The following GALNT11 variants were observed in gnomAD, a reference collection of about 807,000 sequenced individuals.
GALNT11 encodes UDP-GalNAc:polypeptide N-acetylgalactosaminyltransferase 11.
GALNT11 carries 47 observed loss-of-function variants against 72.7 expected under a neutral mutation model. That is an observed-to-expected ratio of 0.65 (90% CI 0.51 to 0.82). GALNT11 has a LOEUF of 0.82. Among genes scored for constraint, GALNT11 ranks in the 40% least tolerant of loss-of-function variants. The probability of loss-of-function intolerance (pLI) is 0.00; values close to 1 mark genes in which losing one functional copy is unlikely to be tolerated. For synonymous variants in GALNT11, 270 were observed against 286.6 expected, an observed-to-expected ratio of 0.94 and a Z score of 0.58; for missense variants, 677 against 778.4, an observed-to-expected ratio of 0.87 and a Z score of 1.55.
At chr7:152,044,374 C>T (rs959723697) in intron 1 of GALNT11, among the ~76,000 whole-genome samples, 2 of 152,122 alleles carry the variant, frequency 1.3e-5, no homozygotes, top group African/African-American at 4.8e-5. Flanking sequence ...GGTTTTCCAC[C>T]CTGGGTGGGC....
intron 1 of GALNT11, among the ~76,000 whole-genome samples, chr7:152,051,452 T>A (rs1187676757): frequency 6.6e-6 from 1 of 152,160 alleles, no homozygotes; most frequent in East Asian, 1.9e-4. Flanking sequence ...GGGATATTAA[T>A]ATGCTCGTGA....
At chr7:152,059,145 G>T (rs1330900694) in intron 1 of GALNT11, among the ~76,000 whole-genome samples, 1 of 152,204 alleles carries the variant, frequency 6.6e-6, no homozygotes, top group Non-Finnish European at 1.5e-5. Context: ...ACCCAGGCTG[G>T]AGTGCAGTGC....
At chr7:152,054,420 GCA>G (rs1255213843) in intron 1 of GALNT11, among the ~76,000 whole-genome samples, 1 of 142,014 alleles carries the variant, frequency 7.0e-6, no homozygotes, top group Admixed American at 7.1e-5. Flanking sequence ...ACACCTTCCT[GCA>G]CAGTGATCTT....
chr7:152,030,902 G>A (rs370565628), intron 1 of GALNT11, among the ~76,000 whole-genome samples: 11 of 151,834 alleles, frequency 7.2e-5, no homozygotes, highest in Non-Finnish European at 1.5e-4. Context: ...TCTCCTTCCC[G>A]TTTTGATGGC....
intron 1 of GALNT11, among the ~76,000 whole-genome samples, chr7:152,071,871 A>G (rs868625651): frequency 6.6e-6 from 1 of 152,110 alleles, no homozygotes; most frequent in African/African-American, 2.4e-5. Context: ...ACGATGTAGC[A>G]TGTCAATTAT....
chr7:152,057,887 C>T (rs1314847615), intron 1 of GALNT11, among the ~76,000 whole-genome samples: 1 of 152,136 alleles, frequency 6.6e-6, no homozygotes, highest in Non-Finnish European at 1.5e-5. Context: ...AAAGCTAAGG[C>T]TCTCATGCAG....
chr7:152,060,694 A>C (rs571562714), intron 1 of GALNT11, among the ~76,000 whole-genome samples: 3 of 151,034 alleles, frequency 2.0e-5, no homozygotes, highest in African/African-American at 7.3e-5. Flanking sequence ...TCATTGTTCA[A>C]TTCCCACCTA....
chr7:152,112,394 A>T (rs1212573081), intron 7 of GALNT11, among the ~76,000 whole-genome samples: 1 of 152,108 alleles, frequency 6.6e-6, no homozygotes, highest in Non-Finnish European at 1.5e-5. Context: ...CAAAAAAATT[A>T]GCTGGGCGTG....
At chr7:152,027,017 A>C (rs1371217091) in intron 1 of GALNT11, among the ~76,000 whole-genome samples, 1 of 152,232 alleles carries the variant, frequency 6.6e-6, no homozygotes, top group Non-Finnish European at 1.5e-5. Flanking sequence ...TGGAAGGCCA[A>C]GGCGAGCGGA....
In GALNT11 at chr7:152,120,954, C is replaced by G. The variant is rs1261282894; in HGVS notation, c.1681C>G (p.Gln561Glu). The G allele has an allele frequency of 6.2e-7, 1 of 1,613,906 alleles. No individual in the cohort carries two copies. The highest frequency in any genetic ancestry group is 1.1e-5 in the South Asian group (1 of 91,056). Reference protein sequence around the residue: ...MKCHGSGGSQQWTFGKNNRLY... With the variant: ...MKCHGSGGSQEWTFGKNNRLY... ...ATGCCACGGGTCAGGAGGATCCCAG[C>G]AGTGGACCTTTGGGGTGAGGAGTGC... The change falls in exon 11 of 12, where the codon CAG becomes GAG. Residue 561 changes from glutamine to glutamate, a missense_variant. By Grantham distance (29) the Gln-to-Glu change is conservative (BLOSUM62 2). Coordinates refer to ENST00000430044, the MANE Select transcript of GALNT11 (RefSeq NM_022087.4).
intron 1 of GALNT11, among the ~76,000 whole-genome samples, chr7:152,089,598 A>T (rs1487383622): frequency 6.6e-6 from 1 of 152,230 alleles, no homozygotes; most frequent in Non-Finnish European, 1.5e-5. Context: ...GGAAAGACAA[A>T]GGAAAAGAGG....
intron 3 of GALNT11, 114 bp downstream of exon 3, chr7:152,101,035 C>A: frequency 7.3e-7 from 1 of 1,369,910 alleles, no homozygotes; most frequent in Non-Finnish European, 9.9e-7. Context: ...CTTTATTCAG[C>A]ATACTAGGAA....
At chr7:152,104,021 C>T (rs566420876) in intron 4 of GALNT11, 1 of 152,376 alleles carries the variant, frequency 6.6e-6, no homozygotes, top group East Asian at 1.9e-4. Context: ...TGATTCACTA[C>T]ATATTCTATA....
At chr7:152,113,759 C>T (rs1253342745) in intron 8 of GALNT11, among the ~76,000 whole-genome samples, 1 of 66,838 alleles carries the variant, frequency 1.5e-5, no homozygotes, top group East Asian at 3.7e-4. Flanking sequence ...TTTTTTGAGA[C>T]AGGGTCTTGC....
At chr7:152,120,374 A>G (rs146851444) in intron 10 of GALNT11, 2 of 174,570 alleles carry the variant, frequency 1.1e-5, no homozygotes, top group Non-Finnish European at 2.4e-5. Context: ...TGCACTTGCC[A>G]TGTCACCCAG....
At chr7:152,087,181 A>G (rs1156675157) in intron 1 of GALNT11, among the ~76,000 whole-genome samples, 4 of 152,256 alleles carry the variant, frequency 2.6e-5, no homozygotes, top group African/African-American at 4.8e-5. Context: ...GGAATAAGTA[A>G]TTATGTATAC....
rs185960639 is a variant in GALNT11 at position 152,105,837 on chromosome 7, A to G, written c.712+467A>G. Among the ~76,000 whole-genome samples the G allele has an allele frequency of 2.0e-5, 3 of 152,324 alleles. No individual in the cohort carries two copies. In the East Asian group the frequency reaches 5.8e-4, roughly 29 times the overall value. ...TAATTGGTTAATGGACGTAAGATTGACTTACAAAACTATAAATGGCATTTT... is the reference window on the plus strand; with the variant it reads ...TAATTGGTTAATGGACGTAAGATTGGCTTACAAAACTATAAATGGCATTTT... On this transcript the variant is annotated intron_variant, in intron 5 of 11. Coordinates refer to ENST00000430044, the MANE Select transcript of GALNT11 (RefSeq NM_022087.4).
At chr7:152,090,993 G>A (rs1454954942) in intron 1 of GALNT11, among the ~76,000 whole-genome samples, 1 of 152,082 alleles carries the variant, frequency 6.6e-6, no homozygotes, top group Non-Finnish European at 1.5e-5. Context: ...TGAAGACATA[G>A]GGGTAGATGC....
intron 2 of GALNT11, among the ~76,000 whole-genome samples, chr7:152,099,947 A>ATTTTT (rs768708954): frequency 4.4e-5 from 5 of 114,468 alleles, no homozygotes; most frequent in African/African-American, 1.1e-4. Flanking sequence ...CACCTGGCTA[A>ATTTTT]TTTTTTTTTT....
Sources: gnomAD v4.1 joint callset for allele counts (sites outside exome capture counted in the v4.1 genomes callset) on GRCh38, gnomAD v4.1.1 for gene constraint, MANE v1.5 for transcripts, NCBI Gene and HGNC (gene_info 2026-07-23, HGNC 2026-07-21) for gene names.